The following CDH18 variants were observed in gnomAD, a reference collection of about 807,000 sequenced individuals.
The protein encoded by CDH18 is cadherin-18.
Under a neutral mutation model 67.9 loss-of-function variants are expected in CDH18, and 31 were observed. That is an observed-to-expected ratio of 0.46 (90% CI 0.34 to 0.62). The LOEUF is 0.62. Ranked by LOEUF, CDH18 falls within the 20% of genes least tolerant of loss-of-function variation. The pLI is 0.01. For synonymous variants in CDH18, 362 were observed against 347.2 expected (o/e 1.04, Z -0.48); for missense variants, 890 against 975.5 (o/e 0.91, Z 1.17).
At chr5:19,876,704 G>C (rs751960126) in intron 2 of CDH18, among the ~76,000 whole-genome samples, 1 of 151,966 alleles carries the variant, frequency 6.6e-6, no homozygotes, top group Non-Finnish European at 1.5e-5. Flanking sequence ...TCTTTTTTGG[G>C]GTGGCATGAG....
chr5:20,317,372 A>G (rs551600258), intron 1 of CDH18, among the ~76,000 whole-genome samples: 2 of 152,280 alleles, frequency 1.3e-5, no homozygotes, highest in East Asian at 3.9e-4. Context: ...AGTTTATATT[A>G]GAGGATAAAT....
At chr5:20,303,347 A>G (rs1054103720) in intron 1 of CDH18, among the ~76,000 whole-genome samples, 53 of 152,284 alleles carry the variant, frequency 3.5e-4, no homozygotes, top group African/African-American at 1.3e-3. Flanking sequence ...TTTGGGGGAT[A>G]AAGAAGTAAC....
intron 12 of CDH18, 54 bp from the exon 13 acceptor site, chr5:19,473,770 TAG>T: frequency 7.0e-7 from 1 of 1,420,234 alleles, no homozygotes; most frequent in Non-Finnish European, 9.5e-7. Flanking sequence ...AGGAAATTCT[TAG>T]AGATTTTACA....
intron 2 of CDH18, among the ~76,000 whole-genome samples, chr5:20,178,287 G>T (rs1048524902): frequency 1.3e-5 from 2 of 151,820 alleles, no homozygotes; most frequent in African/African-American, 2.4e-5. Flanking sequence ...TCTCAGCCTC[G>T]ACAATCACAT....
At chr5:20,500,121 A>G (rs1754165996) in intron 1 of CDH18, among the ~76,000 whole-genome samples, 2 of 152,166 alleles carry the variant, frequency 1.3e-5, no homozygotes, top group Non-Finnish European at 2.9e-5. Context: ...AAAAATAATT[A>G]CTGTGACTTT....
At chr5:19,793,071 A>G (rs1487481608) in intron 3 of CDH18, among the ~76,000 whole-genome samples, 1 of 152,092 alleles carries the variant, frequency 6.6e-6, no homozygotes, top group East Asian at 1.9e-4. Flanking sequence ...GTTCTTCTAG[A>G]GCTAATACTC....
chr5:19,608,151 G>T (rs1748362844), intron 6 of CDH18, among the ~76,000 whole-genome samples: 1 of 151,654 alleles, frequency 6.6e-6, no homozygotes, highest in African/African-American at 2.4e-5. Flanking sequence ...AAACTTGAAT[G>T]AAATTTACAT....
intron 1 of CDH18, among the ~76,000 whole-genome samples, chr5:20,437,792 T>G (rs910336478): frequency 1.3e-5 from 2 of 151,264 alleles, no homozygotes; most frequent in African/African-American, 4.9e-5. Context: ...ATGAAACAAA[T>G]AATAGCCTTA....
intron 2 of CDH18, among the ~76,000 whole-genome samples, chr5:20,061,982 G>C (rs934070647): frequency 1.1e-4 from 17 of 151,926 alleles, no homozygotes; most frequent in African/African-American, 3.6e-4. Context: ...GTGCATTACT[G>C]AATGTTCACT....
intron 5 of CDH18, among the ~76,000 whole-genome samples, chr5:19,672,440 T>A (rs770651890): frequency 1.5e-4 from 23 of 152,110 alleles, no homozygotes; most frequent in East Asian, 1.2e-3. Context: ...ACTTCATAAA[T>A]CTTATCCTGA....
chr5:19,908,742 T>C (rs1000762293), intron 2 of CDH18, among the ~76,000 whole-genome samples: 14 of 152,282 alleles, frequency 9.2e-5, no homozygotes, highest in African/African-American at 3.4e-4. Flanking sequence ...AAGTAAGCAG[T>C]GGTATGAGGA....
chr5:20,531,546 T>C (rs965875705), intron 1 of CDH18, among the ~76,000 whole-genome samples: 1 of 152,042 alleles, frequency 6.6e-6, no homozygotes, highest in Non-Finnish European at 1.5e-5. Context: ...CACCATGGAA[T>C]ACCATGCAGC....
rs1291697836 is a variant in CDH18 at position 19,839,262 on chromosome 5, A to T, written c.-256-20T>A. Reference sequence around the variant, plus strand: ...TTCAACCTAATGGAAAGAGAAAATTATATGTGTTACAAAACACGGTTTTTT... The same window carrying T: ...TTCAACCTAATGGAAAGAGAAAATTTTATGTGTTACAAAACACGGTTTTTT... On this transcript the variant is annotated intron_variant, in intron 2 of 12. Transcript: ENST00000382275. The T allele has an allele frequency of 7.7e-6, 3 of 391,030 alleles. No homozygotes were observed. The highest frequency in any genetic ancestry group is 1.4e-5 in the Non-Finnish European group (3 of 212,828). 24.2% of individuals were successfully genotyped at this position (391,030 alleles called of 1,614,324 possible). A position where few individuals can be genotyped will look rare whatever the true frequency, so the allele number is the denominator to read the frequency against.
chr5:19,830,856 T>G (rs1263763340), intron 3 of CDH18, among the ~76,000 whole-genome samples: 1 of 152,082 alleles, frequency 6.6e-6, no homozygotes, highest in African/African-American at 2.4e-5. Flanking sequence ...TACACAGCCT[T>G]GAAAATGTAT....
At chr5:20,433,065 T>C (rs1748888199) in intron 1 of CDH18, among the ~76,000 whole-genome samples, 1 of 150,316 alleles carries the variant, frequency 6.7e-6, no homozygotes, top group South Asian at 2.1e-4. Context: ...CCTAAAACAC[T>C]ATGTTAGTCA....
chr5:20,463,804 ATTTGGTCATATTT>A (rs1751444605), intron 1 of CDH18, among the ~76,000 whole-genome samples: 2 of 152,296 alleles, frequency 1.3e-5, no homozygotes, highest in Admixed American at 1.3e-4. Flanking sequence ...CAGACTTCAA[ATTTGGTCATATTT>A]TTTGGGGACA....
At chr5:20,127,074 A>G (rs1031518649) in intron 2 of CDH18, among the ~76,000 whole-genome samples, 2 of 152,216 alleles carry the variant, frequency 1.3e-5, no homozygotes, top group African/African-American at 4.8e-5. Context: ...ATAGAATTGC[A>G]ATCCCCAATG....
intron 9 of CDH18, among the ~76,000 whole-genome samples, chr5:19,530,800 A>G (rs1307047189): frequency 6.6e-6 from 1 of 152,202 alleles, no homozygotes; most frequent in Non-Finnish European, 1.5e-5. Flanking sequence ...TCCATGGTGT[A>G]TATGTACCAT....
chr5:19,679,395 A>G (rs1412681343), intron 5 of CDH18, among the ~76,000 whole-genome samples: 1 of 152,030 alleles, frequency 6.6e-6, no homozygotes, highest in Non-Finnish European at 1.5e-5. Flanking sequence ...AACCAGGACA[A>G]GACAAGCATG....
Sources: gnomAD v4.1 joint callset for allele counts (sites outside exome capture counted in the v4.1 genomes callset) on GRCh38, gnomAD v4.1.1 for gene constraint, MANE v1.5 for transcripts, NCBI Gene and HGNC (gene_info 2026-07-23, HGNC 2026-07-21) for gene names.